The following KAZN variants were observed in gnomAD, a reference collection of about 807,000 sequenced individuals.
The protein encoded by KAZN is kazrin, periplakin interacting protein, also known as kazrin.
Under a neutral mutation model 87.4 loss-of-function variants are expected in KAZN, and 40 were observed. That is an observed-to-expected ratio of 0.46 (90% CI 0.36 to 0.60). The LOEUF is 0.60. Ranked by LOEUF, KAZN falls within the 20% of genes least tolerant of loss-of-function variation. KAZN has a pLI of 0.00. For synonymous variants in KAZN, 466 were observed against 458.3 expected, an observed-to-expected ratio of 1.02 and a Z score of -0.22; for missense variants, 898 against 1,073.9, an observed-to-expected ratio of 0.84 and a Z score of 2.29.
At chr1:15,114,303 C>T (rs1477019978) in intron 14 of KAZN, 168 bp from the exon 15 acceptor site, 1 of 607,618 alleles carries the variant, frequency 1.6e-6, no homozygotes, top group Non-Finnish European at 2.9e-6. Context: ...CACAAACTCC[C>T]CTCAACCTCC....
intron 2 of KAZN, among the ~76,000 whole-genome samples, chr1:14,371,166 A>T (rs1465322914): frequency 6.6e-6 from 1 of 152,168 alleles, no homozygotes; most frequent in Non-Finnish European, 1.5e-5. Context: ...TTCCAGGTTC[A>T]GTTAGTTGGT....
intron 2 of KAZN, among the ~76,000 whole-genome samples, chr1:14,316,692 A>C (rs1433116368): frequency 6.6e-6 from 1 of 151,936 alleles, no homozygotes; most frequent in Admixed American, 6.6e-5. Context: ...ATAGCATTCA[A>C]AGTCATAAAT....
intron 1 of KAZN, among the ~76,000 whole-genome samples, chr1:14,956,721 A>G (rs7514440): frequency 0.34 from 52,276 of 152,138 alleles, 12,469 homozygotes; most frequent in African/African-American, 0.68. Context: ...AGTGACAGCC[A>G]AGCAGGGAAG....
chr1:13,942,160 G>A (rs945113746), intron 1 of KAZN, among the ~76,000 whole-genome samples: 1 of 152,128 alleles, frequency 6.6e-6, no homozygotes, highest in Non-Finnish European at 1.5e-5. Context: ...CTAAAGCCCA[G>A]CTTCAAATCC....
At chr1:14,403,662 T>G (rs1421865414) in intron 2 of KAZN, among the ~76,000 whole-genome samples, 3 of 152,072 alleles carry the variant, frequency 2.0e-5, no homozygotes, top group Non-Finnish European at 4.4e-5. Context: ...CTAGAACCCA[T>G]GGGAGGAGAG....
At chr1:14,702,680 CTT>C (rs1158745461) in intron 1 of KAZN, among the ~76,000 whole-genome samples, 2 of 152,154 alleles carry the variant, frequency 1.3e-5, no homozygotes, top group African/African-American at 4.8e-5. Context: ...AACTCACAGT[CTT>C]CAGTCTTCTG....
At chr1:14,965,510 T>C (rs1664358165) in intron 2 of KAZN, among the ~76,000 whole-genome samples, 1 of 152,232 alleles carries the variant, frequency 6.6e-6, no homozygotes, top group South Asian at 2.1e-4. Flanking sequence ...TTTTTAAATC[T>C]CTTAACAGCA....
At chr1:14,798,235 G>A (rs957074970) in intron 1 of KAZN, among the ~76,000 whole-genome samples, 6 of 151,944 alleles carry the variant, frequency 3.9e-5, no homozygotes, top group East Asian at 3.9e-4. Context: ...CTATCTTTAC[G>A]TTGCTTGCCC....
chr1:14,662,187 G>A (rs1407136938), intron 1 of KAZN, among the ~76,000 whole-genome samples: 1 of 152,088 alleles, frequency 6.6e-6, no homozygotes, highest in Non-Finnish European at 1.5e-5. Flanking sequence ...CTCCCCCAGG[G>A]GCAGGCTTTA....
intron 1 of KAZN, among the ~76,000 whole-genome samples, chr1:14,136,992 T>C (rs1438720682): frequency 2.0e-5 from 3 of 152,142 alleles, no homozygotes; most frequent in Admixed American, 6.5e-5. Context: ...AGACCACTGC[T>C]TTTAGGGTTA....
chr1:14,333,038 C>T (rs1656965812), intron 2 of KAZN, among the ~76,000 whole-genome samples: 1 of 152,148 alleles, frequency 6.6e-6, no homozygotes, highest in Admixed American at 6.5e-5. Flanking sequence ...TCCCTACCCC[C>T]ATCCCACTCC....
At chr1:14,018,653 A>G (rs1386046558) in intron 1 of KAZN, among the ~76,000 whole-genome samples, 1 of 152,136 alleles carries the variant, frequency 6.6e-6, no homozygotes, top group Non-Finnish European at 1.5e-5. Context: ...ACACCATCCC[A>G]TCTACTGGGG....
chr1:14,647,197 C>T (rs997960915), intron 1 of KAZN, among the ~76,000 whole-genome samples: 14 of 152,134 alleles, frequency 9.2e-5, no homozygotes, highest in African/African-American at 2.9e-4. Context: ...TACCCCGGGG[C>T]GCAGTTTTTC....
At chr1:14,562,333 G>T (rs753357020) in intron 2 of KAZN, among the ~76,000 whole-genome samples, 1 of 152,162 alleles carries the variant, frequency 6.6e-6, no homozygotes, top group Non-Finnish European at 1.5e-5. Flanking sequence ...AAGTATGCTT[G>T]CTTTCGTATT....
At chr1:14,078,262 T>C (rs767314920) in intron 1 of KAZN, among the ~76,000 whole-genome samples, 1 of 152,194 alleles carries the variant, frequency 6.6e-6, no homozygotes, top group South Asian at 2.1e-4. Flanking sequence ...TAATTATACA[T>C]GTGCCTGTGT....
chr1:14,428,572 G>C (rs1665872254), intron 2 of KAZN, among the ~76,000 whole-genome samples: 1 of 152,080 alleles, frequency 6.6e-6, no homozygotes, highest in Admixed American at 6.5e-5. Flanking sequence ...GTGCTGCTTT[G>C]AAGAAATACC....
At chr1:14,436,732 A>AC (rs61387595) in intron 2 of KAZN, among the ~76,000 whole-genome samples, 3,442 of 83,776 alleles carry the variant, frequency 0.041, 98 homozygotes, top group African/African-American at 0.05. Flanking sequence ...AAAAAAAAAA[A>AC]AAAAAACCTT....
At chr1:14,987,133 A>G (rs541338385) in intron 2 of KAZN, among the ~76,000 whole-genome samples, 1 of 152,300 alleles carries the variant, frequency 6.6e-6, no homozygotes, top group Non-Finnish European at 1.5e-5. Flanking sequence ...GGTAATACAT[A>G]CTATGAAGGA....
chr1:15,002,203 T>C (rs1252012961), intron 2 of KAZN, among the ~76,000 whole-genome samples: 1 of 152,180 alleles, frequency 6.6e-6, no homozygotes, highest in Non-Finnish European at 1.5e-5. Flanking sequence ...TATTCGACGG[T>C]CACAGTCCTG....
Sources: gnomAD v4.1 joint callset for allele counts (sites outside exome capture counted in the v4.1 genomes callset) on GRCh38, gnomAD v4.1.1 for gene constraint, MANE v1.5 for transcripts, NCBI Gene and HGNC (gene_info 2026-07-23, HGNC 2026-07-21) for gene names.